CIBAR1: variants seen among roughly 807,000 people sequenced by gnomAD.
CIBAR1 encodes CBY1 interacting BAR domain containing 1.
In CIBAR1, 25 loss-of-function variants were observed where a neutral mutation model predicts 44.0. The ratio of observed to expected loss-of-function variants is 0.57; its 90% confidence interval spans 0.41 to 0.79. The LOEUF (loss-of-function observed/expected upper bound fraction) is 0.79. Among genes scored for constraint, CIBAR1 ranks in the 30% least tolerant of loss-of-function variants. The probability of loss-of-function intolerance (pLI) is 0.00; values close to 1 mark genes in which losing one functional copy is unlikely to be tolerated. For synonymous variants in CIBAR1, 115 were observed against 119.0 expected (o/e 0.97, Z 0.22); for missense variants, 278 against 344.8 (o/e 0.81, Z 1.53).
chr8:93,723,801 C>T (rs1337380276), intron 7 of CIBAR1, among the ~76,000 whole-genome samples: 34 of 151,964 alleles, frequency 2.2e-4, no homozygotes, highest in Admixed American at 2.0e-3. Flanking sequence ...AGAAAGATGG[C>T]GTTTTACATT....
At position 93,731,335 on chromosome 8, in the gene CIBAR1, T is replaced by C. The variant is rs930005867; in HGVS notation, c.*3038T>C. On this transcript the variant is annotated 3_prime_UTR_variant, in exon 9 of 9. Transcript: ENST00000518322. ...GAAGCATTTTTTAACTTTCCATATA[T>C]TATTCAAAATGGGTGACCAAATGAA... 2.6e-5 allele frequency: 4 copies of C among 152,186 alleles called. No individual in the cohort carries two copies. Among genetic ancestry groups the C allele is most frequent in the Admixed American group, 1.3e-4 (2 of 15,276 alleles). The allele number at this position is 152,186 out of a possible 1,614,324, so 9.4% of individuals were successfully genotyped here.
rs931233747 is a variant in CIBAR1, at chr8:93,700,601, C to T, written c.-47C>T. ...AGCGCGCGCCCAGGCGCCTTGGAAT[C>T]CCCGTCCTTGGGCCCCCGCAAGGTC... On this transcript the variant is annotated 5_prime_UTR_variant, in exon 1 of 9. Coordinates refer to ENST00000518322, the MANE Select transcript of CIBAR1 (RefSeq NM_145269.5). 122 of 1,466,726 alleles carry T rather than the reference C, an allele frequency of 8.3e-5. No homozygotes were observed. Among genetic ancestry groups the T allele is most frequent in the Non-Finnish European group, 1.1e-4 (118 of 1,107,896 alleles). The allele number at this position is 1,466,726 out of a possible 1,614,324, so 90.9% of individuals were successfully genotyped here.
rs147522615 is a variant in CIBAR1 at position 93,722,548 on chromosome 8, A to C, written c.657+3760A>C. The stretch of plus-strand genomic sequence containing the variant: ...TCTGTCTCTACTAAAGATATAAAAA[A>C]TTAGCCAGGCATGGTGGCGCGTGCC... On this transcript the variant is annotated intron_variant, in intron 7 of 8. Transcript: ENST00000518322. 8.3e-3 allele frequency among the ~76,000 whole-genome samples: 1,269 copies of C among 152,268 alleles called. 14 individuals carry two copies. The highest frequency in any genetic ancestry group is 0.029 in the African/African-American group (1,192 of 41,552).
intron 2 of CIBAR1, 87 bp downstream of exon 2, chr8:93,701,545 A>G (rs944002894): frequency 1.3e-5 from 15 of 1,116,664 alleles, no homozygotes; most frequent in Non-Finnish European, 1.8e-5. Flanking sequence ...CTTGTAATCT[A>G]CCTAACTGCA....
intron 4 of CIBAR1, chr8:93,705,463 T>C (rs1443690197): frequency 1.3e-5 from 2 of 158,092 alleles, no homozygotes; most frequent in Non-Finnish European, 2.8e-5. Context: ...TTCCAGCCAG[T>C]TAACCTCAGG....
chr8:93,701,061 A>T lies in CIBAR1; in HGVS notation c.27-163A>T, dbSNP rs539058054. 20 of 1,467,946 alleles carry T rather than the reference A, an allele frequency of 1.4e-5. No homozygotes were observed. The South Asian group carries it at 2.5e-4, about 18-fold the overall frequency. 90.9% of individuals were successfully genotyped at this position (1,467,946 alleles called of 1,614,324 possible). On this transcript the variant is annotated intron_variant, in intron 1 of 8. Transcript: ENST00000518322. ...CCTACACAGTCCGGATAGTGAGGTC[A>T]GGACCCCATGGAGAGCAGTCCGCGC...
In CIBAR1 at chr8:93,730,184, ACAT is replaced by A. The variant is rs1392148797; in HGVS notation, c.*1891_*1893del. The A allele has an allele frequency of 1.3e-5, 2 of 152,224 alleles. No individual in the cohort carries two copies. Among genetic ancestry groups the A allele is most frequent in the Non-Finnish European group, 2.9e-5 (2 of 68,042 alleles). 9.4% of individuals were successfully genotyped at this position (152,224 alleles called of 1,614,324 possible). A position where few individuals can be genotyped will look rare whatever the true frequency, so the allele number is the denominator to read the frequency against. On this transcript the variant is annotated 3_prime_UTR_variant, in exon 9 of 9. Transcript: ENST00000518322. ...TGATAGTTAATTCATACATAATTAT[ACAT>A]CATATAGTATCTAATACAGCTCAAT...
chr8:93,718,787 A>T lies in CIBAR1; in HGVS notation c.656A>T (p.Glu219Val). The change falls in exon 7 of 9, where the codon GAG becomes GTG. Residue 219 changes from glutamate (E) to valine (V), a missense_variant and splice_region_variant. Physicochemically the swap from Glu to Val is moderately radical, Grantham distance 121. Transcript: ENST00000518322. ...AACATTGATGAAGATGAAGATTTAG[A>T]GGTAGGACTATGTCTATCTAAGCTC... ...IQNIDEDEDL[E>V]VFRNSLYAPD... 6.6e-7 allele frequency: 1 copy of T among 1,517,082 alleles called. No individual in the cohort carries two copies. Among genetic ancestry groups the T allele is most frequent in the Non-Finnish European group, 9.0e-7 (1 of 1,115,362 alleles). 94.0% of individuals were successfully genotyped at this position (1,517,082 alleles called of 1,614,324 possible).
Position 93,728,265 on chromosome 8 carries a change from G to C in CIBAR1, c.838G>C (p.Asp280His). 1.9e-6 allele frequency: 3 copies of C among 1,594,576 alleles called. No homozygotes were observed. Among genetic ancestry groups the C allele is most frequent in the African/African-American group, 1.4e-5 (1 of 73,060 alleles). The change falls in exon 9 of 9, where the codon GAT becomes CAT. Residue 280 changes from aspartate (D) to histidine (H), a missense_variant. Asp to His is a moderately conservative substitution (Grantham distance 81). This residue lies in a region of CIBAR1 where 93 missense variants were observed against 108.9 expected (regional missense o/e 0.85). Transcript: ENST00000518322. The part of the protein sequence containing the change: ...QAEDDEDDEL[D>H]VTEEENFLK ...AGAAGATGATGAGGATGACGAGTTA[G>C]ATGTTACAGAAGAAGAAAATTTTCT...
At chr8:93,726,347 A>G in intron 7 of CIBAR1, 47 bp from the exon 8 acceptor site, 1 of 1,492,834 alleles carries the variant, frequency 6.7e-7, no homozygotes, top group Non-Finnish European at 9.0e-7. Context: ...GACTGTCTTG[A>G]TTTTGTTTAG....
chr8:93,716,761 T>G (rs1468267201), intron 6 of CIBAR1, among the ~76,000 whole-genome samples: 1 of 152,208 alleles, frequency 6.6e-6, no homozygotes, highest in African/African-American at 2.4e-5. Flanking sequence ...TTTTCTTGAT[T>G]TTTAAAATAC....
At chr8:93,717,353 A>G (rs370186401) in intron 6 of CIBAR1, among the ~76,000 whole-genome samples, 110 of 152,330 alleles carry the variant, frequency 7.2e-4, no homozygotes, top group African/African-American at 2.5e-3. Flanking sequence ...ATCTAGAGAT[A>G]CTTTAATATG....
intron 5 of CIBAR1, 63 bp downstream of exon 5, chr8:93,708,079 AT>A: frequency 8.0e-7 from 1 of 1,253,608 alleles, no homozygotes; most frequent in Non-Finnish European, 1.1e-6. Context: ...ACTTGTTTCA[AT>A]TTATACATTT....
chr8:93,707,186 A>G (rs946063628), intron 4 of CIBAR1: 4 of 410,258 alleles, frequency 9.7e-6, no homozygotes, highest in African/African-American at 8.3e-5. Flanking sequence ...TTCCTACTCA[A>G]GTTGGTATAT....
At chr8:93,708,787 G>A (rs1810704171) in intron 5 of CIBAR1, among the ~76,000 whole-genome samples, 1 of 152,130 alleles carries the variant, frequency 6.6e-6, no homozygotes, top group African/African-American at 2.4e-5. Context: ...GTAGAAGTAA[G>A]CAAGGTAGAA....
rs556832074 is a variant in CIBAR1 at position 93,729,969 on chromosome 8, G to A, written c.*1672G>A. 6.6e-6 allele frequency: 1 copy of A among 152,264 alleles called. No homozygotes were observed. Among genetic ancestry groups the A allele is most frequent in the East Asian group, 1.9e-4 (1 of 5,184 alleles). The allele number at this position is 152,264 out of a possible 1,614,324, so 9.4% of individuals were successfully genotyped here. A position where few individuals can be genotyped will look rare whatever the true frequency, so the allele number is the denominator to read the frequency against. On this transcript the variant is annotated 3_prime_UTR_variant, in exon 9 of 9. Transcript: ENST00000518322. ...ACTTTGGATTTCTTCAGATTTTGGA[G>A]TATTTGCATTATACCAGTTCAACAT...
At chr8:93,721,251 GA>G (rs903538889) in intron 7 of CIBAR1, 1 of 152,208 alleles carries the variant, frequency 6.6e-6, no homozygotes, top group African/African-American at 2.4e-5. Flanking sequence ...CTTCAAAAGT[GA>G]TCCCCCAATT....
At chr8:93,718,077 A>G (rs1811101789) in intron 6 of CIBAR1, among the ~76,000 whole-genome samples, 1 of 152,194 alleles carries the variant, frequency 6.6e-6, no homozygotes. Flanking sequence ...TAGCCTTAGA[A>G]TCAGATCTGT....
chr8:93,716,296 G>A (rs1444828391), intron 6 of CIBAR1, among the ~76,000 whole-genome samples: 5 of 151,298 alleles, frequency 3.3e-5, no homozygotes, highest in Admixed American at 6.6e-5. Flanking sequence ...CACCTGCCTC[G>A]GCCTCCCAAA....
Sources: gnomAD v4.1 joint callset for allele counts (sites outside exome capture counted in the v4.1 genomes callset) on GRCh38, gnomAD v4.1.1 for gene constraint, gnomAD v4.1.1 regional missense constraint, MANE v1.5 for transcripts, NCBI Gene and HGNC (gene_info 2026-07-23, HGNC 2026-07-21) for gene names.